GFER: variants seen among roughly 807,000 people sequenced by gnomAD.
GFER encodes the protein growth factor, augmenter of liver regeneration.
Under a neutral mutation model 18.2 loss-of-function variants are expected in GFER, and 24 were observed. The observed-to-expected ratio is 1.32, with a 90% confidence interval of 0.96 to 1.86. The LOEUF (loss-of-function observed/expected upper bound fraction) is 1.86, where lower values mean the gene tolerates loss of function less well. Among genes scored for constraint, GFER ranks in the 40% most tolerant of loss-of-function variants. The pLI is 0.00. For missense variants in GFER, 316 were observed against 295.6 expected, an observed-to-expected ratio of 1.07 and a Z score of -0.51; for synonymous variants, 138 against 126.9, an observed-to-expected ratio of 1.09 and a Z score of -0.59.
At position 1,984,366 on chromosome 16, in the gene GFER, A is replaced by G; in HGVS notation, c.148A>G (p.Thr50Ala). The G allele has an allele frequency of 6.6e-7, 1 of 1,525,444 alleles. No individual in the cohort carries two copies. The highest frequency in any genetic ancestry group is 1.4e-5 in the African/African-American group (1 of 72,090). 94.5% of individuals were successfully genotyped at this position (1,525,444 alleles called of 1,614,324 possible). A position where few individuals can be genotyped will look rare whatever the true frequency, so the allele number is the denominator to read the frequency against. Residue 50 changes from threonine (T) to alanine (A), a missense_variant, in exon 1 of 3, where the codon ACG (threonine) becomes GCG (alanine). Physicochemically the swap from Thr to Ala is moderately conservative, Grantham distance 58. Coordinates refer to ENST00000248114, the MANE Select transcript of GFER (RefSeq NM_005262.3). Reference protein sequence around the residue: ...GRRDAAASASTPAQAPTSDSP... With the variant: ...GRRDAAASASAPAQAPTSDSP... ...GAGAGACGCGGCCGCCTCGGCCTCG[A>G]CGCCAGCCCAGGCGCCGACCTCCGA...
At chr16:1,985,295 C>G in intron 2 of GFER, among the ~76,000 whole-genome samples, 1 of 152,302 alleles carries the variant, frequency 6.6e-6, no homozygotes, top group South Asian at 2.1e-4. Context: ...CTTGGAAATC[C>G]ACTGCTTTTG....
At chr16:1,984,992 G>A in intron 2 of GFER, 49 bp downstream of exon 2, 1 of 1,396,440 alleles carries the variant, frequency 7.2e-7, no homozygotes, top group South Asian at 1.2e-5. Flanking sequence ...GCCTGGGCCT[G>A]GGGCTCCTGG....
rs866207172 is a variant in GFER at position 1,987,671 on chromosome 16, T to G, written c.*1643T>G. ...ATCTGCTGTCCCTCCCCTGCCCCCC[T>G]GCCCCCCCCACCGCCTTCCCTTTTT... On this transcript the variant is annotated 3_prime_UTR_variant, in exon 3 of 3. Coordinates refer to ENST00000248114, the MANE Select transcript of GFER (RefSeq NM_005262.3). 4.1e-5 allele frequency: 2 copies of G among 48,986 alleles called. No homozygotes were observed. The highest frequency in any genetic ancestry group is 1.5e-4 in the African/African-American group (2 of 13,142). 3.0% of individuals were successfully genotyped at this position (48,986 alleles called of 1,614,324 possible).
At position 1,986,078 on chromosome 16, in the gene GFER, A is replaced by T; in HGVS notation, c.*50A>T. ...GACAGCTAGCCAGGCATGGTTGGAT[A>T]GGGGCAGGGCACTCATTAAAGTGCA... On this transcript the variant is annotated 3_prime_UTR_variant, in exon 3 of 3. Coordinates refer to ENST00000248114, the MANE Select transcript of GFER (RefSeq NM_005262.3). 1 of 1,576,014 alleles carries T rather than the reference A, an allele frequency of 6.3e-7. No individual in the cohort carries two copies. Among genetic ancestry groups the T allele is most frequent in the East Asian group, 2.2e-5 (1 of 44,704 alleles).
At chr16:1,984,986 G>GGAGCCCCA in intron 2 of GFER, 43 bp downstream of exon 2, 1 of 1,432,812 alleles carries the variant, frequency 7.0e-7, no homozygotes, top group Non-Finnish European at 9.8e-7. Context: ...ACTGGAGCCT[G>GGAGCCCCA]GGCCTGGGGC....
rs1016725284 is a variant in GFER, at chr16:1,984,347, C to A, written c.129C>A (p.Asp43Glu). The A allele has an allele frequency of 5.3e-6, 8 of 1,508,716 alleles. No individual in the cohort carries two copies. Among genetic ancestry groups the A allele is most frequent in the Non-Finnish European group, 7.0e-6 (8 of 1,135,492 alleles). The allele number at this position is 1,508,716 out of a possible 1,614,324, so 93.5% of individuals were successfully genotyped here. ...GGGGCCGGGGCGCGGGGCGGAGAGA[C>A]GCGGCCGCCTCGGCCTCGACGCCAG... ...DARGRGAGRR[D>E]AAASASTPAQ... Residue 43 changes from aspartate to glutamate, a missense_variant, in exon 1 of 3, where the codon GAC (aspartate) becomes GAA (glutamate). Coordinates refer to ENST00000248114, the MANE Select transcript of GFER (RefSeq NM_005262.3).
rs139351234 is a variant in GFER, at chr16:1,986,375, C to T, written c.*347C>T. On this transcript the variant is annotated 3_prime_UTR_variant, in exon 3 of 3. Coordinates refer to ENST00000248114, the MANE Select transcript of GFER (RefSeq NM_005262.3). ...ACTCCTCACACGGGAAGACAGCGGG[C>T]CTGGCTGGGCATCCCTGTGCCTGTC... The T allele has an allele frequency of 7.4e-4, 277 of 373,180 alleles. 1 individual carries two copies. Among genetic ancestry groups the T allele is most frequent in the African/African-American group, 5.2e-3 (250 of 47,634 alleles). The allele number at this position is 373,180 out of a possible 1,614,324, so 23.1% of individuals were successfully genotyped here.
Position 1,984,234 on chromosome 16 carries a change from G to A in GFER, c.16G>A (p.Glu6Lys). Residue 6 changes from glutamate (E) to lysine (K), a missense_variant, in exon 1 of 3, where the codon GAG (glutamate) becomes AAG (lysine). Physicochemically the swap from Glu to Lys is moderately conservative, Grantham distance 56. Coordinates refer to ENST00000248114, the MANE Select transcript of GFER (RefSeq NM_005262.3). ...CGCGGGCAACATGGCGGCGCCCGGC[G>A]AGCGGGGCCGCTTCCACGGCGGGAA... MAAPG[E>K]RGRFHGGNLF... 1 of 1,475,010 alleles carries A rather than the reference G, an allele frequency of 6.8e-7. No homozygotes were observed. 91.4% of individuals were successfully genotyped at this position (1,475,010 alleles called of 1,614,324 possible). A position where few individuals can be genotyped will look rare whatever the true frequency, so the allele number is the denominator to read the frequency against.
At chr16:1,984,531 C>T in intron 1 of GFER, 55 bp downstream of exon 1, 2 of 1,526,194 alleles carry the variant, frequency 1.3e-6, no homozygotes, top group Non-Finnish European at 1.8e-6. Context: ...TCCCCGCCCC[C>T]GCCCAGGTAC....
chr16:1,985,243 C>G (rs1242552866), intron 2 of GFER, among the ~76,000 whole-genome samples: 1 of 152,274 alleles, frequency 6.6e-6, no homozygotes, highest in Non-Finnish European at 1.5e-5. Flanking sequence ...GGGAAGACTC[C>G]ACTTTGCCTG....
rs2083552185 is a variant in GFER, at chr16:1,984,572, C to T, written c.258+96C>T. 6 of 1,431,084 alleles carry T rather than the reference C, an allele frequency of 4.2e-6. No homozygotes were observed. In the East Asian group the frequency reaches 7.3e-5, roughly 18 times the overall value. The allele number at this position is 1,431,084 out of a possible 1,614,324, so 88.6% of individuals were successfully genotyped here. A position where few individuals can be genotyped will look rare whatever the true frequency, so the allele number is the denominator to read the frequency against. Reference sequence around the variant, plus strand: ...CAGAGCTTCCCAGGGTTGCCTGTCCCTGAACCTTGCCCCCCGGGTAGGCCC... The same window carrying T: ...CAGAGCTTCCCAGGGTTGCCTGTCCTTGAACCTTGCCCCCCGGGTAGGCCC... On this transcript the variant is annotated intron_variant, in intron 1 of 2. Transcript: ENST00000248114.
At position 1,986,043 on chromosome 16, in the gene GFER, G is replaced by T. The variant is rs1046494; in HGVS notation, c.*15G>T. 2.5e-6 allele frequency: 4 copies of T among 1,611,582 alleles called. No homozygotes were observed. The highest frequency in any genetic ancestry group is 3.4e-6 in the Non-Finnish European group (4 of 1,179,608). On this transcript the variant is annotated 3_prime_UTR_variant, in exon 3 of 3. Coordinates refer to ENST00000248114, the MANE Select transcript of GFER (RefSeq NM_005262.3). Reference sequence around the variant, plus strand: ...CCTGTGACTAGAGGGTGGTCAGCCAGAGCTCATGGGACAGCTAGCCAGGCA... The same window carrying T: ...CCTGTGACTAGAGGGTGGTCAGCCATAGCTCATGGGACAGCTAGCCAGGCA...
intron 2 of GFER, 35 bp downstream of exon 2, chr16:1,984,978 T>C (rs763341760): frequency 6.6e-7 from 1 of 1,515,610 alleles, no homozygotes; most frequent in East Asian, 2.3e-5. Context: ...AGCTTTGCAC[T>C]GGAGCCTGGG....
chr16:1,984,725 C>G (rs938705432), intron 1 of GFER, 22 bp from the exon 2 acceptor site: 1 of 1,599,178 alleles, frequency 6.3e-7, no homozygotes, highest in Non-Finnish European at 8.5e-7. Context: ...TGAACTCACT[C>G]TCGGTCGGCC....
chr16:1,984,384 A>G lies in GFER; in HGVS notation c.166A>G (p.Thr56Ala), dbSNP rs2083549935. The G allele has an allele frequency of 6.5e-7, 1 of 1,532,086 alleles. No homozygotes were observed. Among genetic ancestry groups the G allele is most frequent in the Non-Finnish European group, 8.7e-7 (1 of 1,143,546 alleles). The allele number at this position is 1,532,086 out of a possible 1,614,324, so 94.9% of individuals were successfully genotyped here. ...GGCCTCGACGCCAGCCCAGGCGCCG[A>G]CCTCCGATTCTCCTGTCGCCGAGGA... The part of the protein sequence containing the change: ...ASASTPAQAP[T>A]SDSPVAEDAS... The change falls in exon 1 of 3, where the codon ACC becomes GCC. Residue 56 changes from threonine (T) to alanine (A), a missense_variant. Transcript: ENST00000248114.
chr16:1,986,398 G>A lies in GFER; in HGVS notation c.*370G>A. On this transcript the variant is annotated 3_prime_UTR_variant, in exon 3 of 3. Transcript: ENST00000248114. ...GGCCTGGCTGGGCATCCCTGTGCCT[G>A]TCCCTGGCGGCCAGGCCATTGCCTT... The A allele has an allele frequency of 2.8e-6, 1 of 361,268 alleles. No individual in the cohort carries two copies. Among genetic ancestry groups the A allele is most frequent in the East Asian group, 7.1e-5 (1 of 14,184 alleles). The allele number at this position is 361,268 out of a possible 1,614,324, so 22.4% of individuals were successfully genotyped here.
At position 1,985,241 on chromosome 16, in the gene GFER, T is replaced by A. The variant is rs576637429; in HGVS notation, c.455+298T>A. 2.2e-4 allele frequency among the ~76,000 whole-genome samples: 33 copies of A among 152,370 alleles called. 2 individuals are homozygous for A. In the East Asian group the frequency reaches 6.2e-3, roughly 29 times the overall value. On this transcript the variant is annotated intron_variant, in intron 2 of 2. Transcript: ENST00000248114. Reference sequence around the variant, plus strand: ...CGGTTTCCCGCAAGTTAGGGAAGACTCCACTTTGCCTGACTTCTAGAGTAG... The same window carrying A: ...CGGTTTCCCGCAAGTTAGGGAAGACACCACTTTGCCTGACTTCTAGAGTAG...
chr16:1,984,884 C>T lies in GFER; in HGVS notation c.396C>T (p.Phe132=), dbSNP rs753132528. Residue 132 remains phenylalanine, a synonymous_variant, in exon 2 of 3, where the codon TTC becomes TTT. Coordinates refer to ENST00000248114, the MANE Select transcript of GFER (RefSeq NM_005262.3). ...AACAGCAGCAAGACATGGCCCAGTT[C>T]ATACATTTATTTTCTAAGTTTTACC... ...TPEQQQDMAQ[F]IHLFSKFYPC... The T allele has an allele frequency of 2.5e-6, 4 of 1,613,722 alleles. No individual in the cohort carries two copies. The highest frequency in any genetic ancestry group is 3.4e-6 in the Non-Finnish European group (4 of 1,179,994).
intron 2 of GFER, among the ~76,000 whole-genome samples, chr16:1,985,383 T>C (rs2083559438): frequency 6.6e-6 from 1 of 152,220 alleles, no homozygotes; most frequent in African/African-American, 2.4e-5. Context: ...AGGCCAGATG[T>C]ATAGGGTAGA....
Sources: allele counts gnomAD v4.1 joint callset (sites outside exome capture counted in the v4.1 genomes callset), GRCh38; gene constraint gnomAD v4.1.1; transcripts MANE v1.5; gene names NCBI Gene and HGNC (gene_info 2026-07-23, HGNC 2026-07-21).